The following CHODL variants were observed in gnomAD, a reference collection of about 807,000 sequenced individuals.
CHODL encodes the protein transmembrane protein MT75.
In CHODL, 29 loss-of-function variants were observed where a neutral mutation model predicts 34.5. The ratio of observed to expected loss-of-function variants is 0.84; its 90% CI spans 0.63 to 1.15. The LOEUF is 1.15. CHODL is among the 50% of genes most tolerant of loss of function. The pLI is 0.00. For missense variants in CHODL, 332 were observed against 332.5 expected, an observed-to-expected ratio of 1.00 and a Z score of 0.01; for synonymous variants, 125 against 116.1, an observed-to-expected ratio of 1.08 and a Z score of -0.49.
chr21:17,967,883 G>A (rs1357739425), intron 1 of CHODL, among the ~76,000 whole-genome samples: 1 of 152,110 alleles, frequency 6.6e-6, no homozygotes, highest in Non-Finnish European at 1.5e-5. Flanking sequence ...AATCATGTCA[G>A]GACCAATGCC....
intron 1 of CHODL, among the ~76,000 whole-genome samples, chr21:17,971,860 A>G (rs1304023137): frequency 6.6e-6 from 1 of 152,202 alleles, no homozygotes; most frequent in African/African-American, 2.4e-5. Context: ...CAACAACAAA[A>G]AAGAAAATTT....
intron 2 of CHODL, among the ~76,000 whole-genome samples, chr21:18,236,588 A>G (rs982377865): frequency 6.6e-6 from 1 of 152,066 alleles, no homozygotes; most frequent in African/African-American, 2.4e-5. Flanking sequence ...AGTATTTTCC[A>G]TGTCTTTTAG....
At chr21:17,995,854 G>A (rs2063844087) in intron 1 of CHODL, among the ~76,000 whole-genome samples, 1 of 152,206 alleles carries the variant, frequency 6.6e-6, no homozygotes, top group African/African-American at 2.4e-5. Flanking sequence ...GGAGTAAAAA[G>A]TGTAGCCCCA....
intron 1 of CHODL, among the ~76,000 whole-genome samples, chr21:18,253,497 A>T (rs969615388): frequency 2.0e-5 from 3 of 152,154 alleles, no homozygotes; most frequent in African/African-American, 7.2e-5. Flanking sequence ...TATGTAAAGG[A>T]TGTAGTAGAT....
intron 1 of CHODL, among the ~76,000 whole-genome samples, chr21:17,948,313 AAAAG>A (rs2063428624): frequency 8.2e-6 from 1 of 122,142 alleles, no homozygotes; most frequent in Admixed American, 9.1e-5. Flanking sequence ...AAAAGAAGAA[AAAAG>A]AAAAAAAAAG....
intron 2 of CHODL, among the ~76,000 whole-genome samples, chr21:18,114,600 A>AT (rs907156981): frequency 1.6e-4 from 24 of 152,094 alleles, no homozygotes; most frequent in African/African-American, 5.8e-4. Flanking sequence ...TGCCTGGCTA[A>AT]TTTTTTTGTA....
chr21:17,988,258 T>TA (rs1339858657), intron 1 of CHODL, among the ~76,000 whole-genome samples: 1 of 152,096 alleles, frequency 6.6e-6, no homozygotes, highest in Non-Finnish European at 1.5e-5. Context: ...GCCTTGTTGA[T>TA]ACAATGTGGC....
intron 1 of CHODL, among the ~76,000 whole-genome samples, chr21:18,023,442 C>T (rs886789387): frequency 5.3e-5 from 8 of 152,004 alleles, no homozygotes; most frequent in South Asian, 2.1e-4. Context: ...GTGGGAAAAG[C>T]GTGGGCCAGG....
chr21:18,011,415 G>T (rs1341442369), intron 1 of CHODL, among the ~76,000 whole-genome samples: 1 of 152,124 alleles, frequency 6.6e-6, no homozygotes, highest in Non-Finnish European at 1.5e-5. Flanking sequence ...AAAATCTGAA[G>T]CTTGGGTTTT....
At chr21:18,245,590 C>A (rs2074130385) in intron 1 of CHODL, among the ~76,000 whole-genome samples, 1 of 152,150 alleles carries the variant, frequency 6.6e-6, no homozygotes, top group African/African-American at 2.4e-5. Flanking sequence ...TTTCCACTTT[C>A]TTTGTGAGAG....
intron 1 of CHODL, among the ~76,000 whole-genome samples, chr21:18,015,236 G>T (rs766067262): frequency 1.2e-4 from 19 of 152,138 alleles, no homozygotes; most frequent in Non-Finnish European, 2.5e-4. Flanking sequence ...CCCCCTTGCT[G>T]TTCCCATGAT....
chr21:18,009,419 T>C, intron 1 of CHODL, among the ~76,000 whole-genome samples: 1 of 152,194 alleles, frequency 6.6e-6, no homozygotes, highest in East Asian at 1.9e-4. Flanking sequence ...ATATGCCTAG[T>C]GAGCACAGTT....
chr21:18,115,061 T>C (rs1222730515), intron 2 of CHODL, among the ~76,000 whole-genome samples: 2 of 152,256 alleles, frequency 1.3e-5, no homozygotes, highest in African/African-American at 2.4e-5. Context: ...GGGTTGTATG[T>C]TACATGGCAA....
At chr21:18,143,460 TG>T (rs2146613627) in intron 2 of CHODL, among the ~76,000 whole-genome samples, 1 of 152,054 alleles carries the variant, frequency 6.6e-6, no homozygotes, top group African/African-American at 2.4e-5. Context: ...TTTCTGTCAA[TG>T]GGTACCGTTG....
intron 2 of CHODL, among the ~76,000 whole-genome samples, chr21:18,142,426 T>C (rs2072814870): frequency 6.6e-6 from 1 of 152,186 alleles, no homozygotes; most frequent in Non-Finnish European, 1.5e-5. Context: ...TTAGAAGTGG[T>C]ATTTTCTACA....
chr21:17,939,221 A>G (rs1190110692), intron 1 of CHODL, among the ~76,000 whole-genome samples: 1 of 152,116 alleles, frequency 6.6e-6, no homozygotes, highest in East Asian at 1.9e-4. Flanking sequence ...ATGCCTGCTG[A>G]TTAGTAACTC....
At chr21:18,219,553 T>G (rs1043839725) in intron 2 of CHODL, among the ~76,000 whole-genome samples, 1 of 152,202 alleles carries the variant, frequency 6.6e-6, no homozygotes, top group Non-Finnish European at 1.5e-5. Flanking sequence ...CAACAGAGTA[T>G]GAGAGTTCCC....
chr21:18,093,628 T>A (rs1331707860), intron 2 of CHODL, among the ~76,000 whole-genome samples: 3 of 152,202 alleles, frequency 2.0e-5, no homozygotes, highest in African/African-American at 7.2e-5. Flanking sequence ...TCTTTTTGCA[T>A]GTTTGTTTAT....
chr21:17,936,571 G>C (rs1029751228), intron 1 of CHODL, among the ~76,000 whole-genome samples: 2 of 151,886 alleles, frequency 1.3e-5, no homozygotes, highest in Non-Finnish European at 2.9e-5. Flanking sequence ...GAAAGCTGTT[G>C]TTTCATTATG....
Sources: allele counts gnomAD v4.1 joint callset (sites outside exome capture counted in the v4.1 genomes callset), GRCh38; gene constraint gnomAD v4.1.1; transcripts MANE v1.5; gene names NCBI Gene and HGNC (gene_info 2026-07-23, HGNC 2026-07-21).